Variants in CFAP61 observed in about 807,000 individuals in gnomAD.
CFAP61 encodes the protein cilia and flagella associated protein 61.
CFAP61 carries 107 observed loss-of-function variants against 135.6 expected under a neutral mutation model. The ratio of observed to expected loss-of-function variants is 0.79; its 90% confidence interval spans 0.67 to 0.93. CFAP61 has a LOEUF of 0.93. Among genes scored for constraint, CFAP61 ranks in the 40% least tolerant of loss-of-function variants. CFAP61 has a pLI of 0.00. For synonymous variants in CFAP61, 575 were observed against 578.5 expected (o/e 0.99, Z 0.09); for missense variants, 1,507 against 1,556.2 (o/e 0.97, Z 0.53).
At chr20:20,275,604 C>A (rs1351310550) in intron 21 of CFAP61, among the ~76,000 whole-genome samples, 1 of 152,210 alleles carries the variant, frequency 6.6e-6, no homozygotes, top group Non-Finnish European at 1.5e-5. Context: ...AAGCCCAGCT[C>A]ACAGTAGAGC....
At chr20:20,153,647 C>T (rs1046716609) in intron 9 of CFAP61, among the ~76,000 whole-genome samples, 1 of 152,014 alleles carries the variant, frequency 6.6e-6, no homozygotes, top group African/African-American at 2.4e-5. Context: ...ATACAACCCT[C>T]CTAGATTAAT....
chr20:20,294,751 A>G (rs1241408738), intron 24 of CFAP61, among the ~76,000 whole-genome samples: 1 of 150,982 alleles, frequency 6.6e-6, no homozygotes, highest in African/African-American at 2.4e-5. Context: ...ACAAGGTGAA[A>G]CCCCGTCTCT....
At chr20:20,216,753 T>C (rs2146928001) in intron 17 of CFAP61, among the ~76,000 whole-genome samples, 1 of 152,248 alleles carries the variant, frequency 6.6e-6, no homozygotes, top group South Asian at 2.1e-4. Flanking sequence ...CAGGAATTGA[T>C]TCAAAGAATG....
chr20:20,317,506 A>G (rs1218513704), intron 25 of CFAP61, among the ~76,000 whole-genome samples: 14 of 152,140 alleles, frequency 9.2e-5, no homozygotes, highest in Admixed American at 9.2e-4. Context: ...CTTCTCTTTT[A>G]AAGATACTTT....
chr20:20,287,357 A>G (rs1226368756), intron 22 of CFAP61, among the ~76,000 whole-genome samples: 1 of 152,256 alleles, frequency 6.6e-6, no homozygotes, highest in East Asian at 1.9e-4. Flanking sequence ...ACCTTCTTCA[A>G]GATGGAAATA....
At chr20:20,081,219 C>G (rs1202622933) in intron 6 of CFAP61, among the ~76,000 whole-genome samples, 1 of 152,100 alleles carries the variant, frequency 6.6e-6, no homozygotes, top group Non-Finnish European at 1.5e-5. Flanking sequence ...TAGACAATTC[C>G]AAAGGATTGG....
intron 8 of CFAP61, among the ~76,000 whole-genome samples, chr20:20,106,359 A>T (rs1225698550): frequency 1.3e-5 from 2 of 152,170 alleles, no homozygotes; most frequent in Non-Finnish European, 2.9e-5. Context: ...AGCCTTTTCT[A>T]ATGTCTTCAA....
At chr20:20,337,958 A>C in intron 25 of CFAP61, among the ~76,000 whole-genome samples, 1 of 152,212 alleles carries the variant, frequency 6.6e-6, no homozygotes, top group East Asian at 1.9e-4. Context: ...AGCATTGCCT[A>C]ATCTGACTCA....
chr20:20,108,300 A>G (rs1478066056), intron 8 of CFAP61, among the ~76,000 whole-genome samples: 1 of 152,212 alleles, frequency 6.6e-6, no homozygotes, highest in East Asian at 1.9e-4. Flanking sequence ...TTGAGGAAAT[A>G]ATACTAATAC....
intron 15 of CFAP61, among the ~76,000 whole-genome samples, chr20:20,193,245 A>G (rs1244042263): frequency 6.6e-6 from 1 of 152,020 alleles, no homozygotes; most frequent in African/African-American, 2.4e-5. Flanking sequence ...ATGATTCTAC[A>G]CTTTCCTTCA....
At chr20:20,120,540 C>G (rs1240789653) in intron 8 of CFAP61, among the ~76,000 whole-genome samples, 1 of 152,074 alleles carries the variant, frequency 6.6e-6, no homozygotes, top group Non-Finnish European at 1.5e-5. Context: ...CTTTTGTGGC[C>G]TAAGATTCTG....
intron 26 of CFAP61, among the ~76,000 whole-genome samples, chr20:20,345,333 C>T (rs1037646019): frequency 6.6e-6 from 1 of 152,166 alleles, no homozygotes; most frequent in Non-Finnish European, 1.5e-5. Context: ...TTGATCATTA[C>T]ACATTGTATG....
At chr20:20,114,944 T>C (rs1445632782) in intron 8 of CFAP61, among the ~76,000 whole-genome samples, 3 of 152,230 alleles carry the variant, frequency 2.0e-5, no homozygotes, top group Admixed American at 6.5e-5. Context: ...TTTAATTGAA[T>C]TGAATTTTAT....
At chr20:20,223,060 T>G (rs117849504) in intron 17 of CFAP61, among the ~76,000 whole-genome samples, 1 of 152,232 alleles carries the variant, frequency 6.6e-6, no homozygotes, top group African/African-American at 2.4e-5. Context: ...AGAAAAGATA[T>G]ATATACACAT....
In CFAP61 at chr20:20,142,963, C is replaced by T. The variant is rs1160622127; in HGVS notation, c.951+15C>T. ...AAAACATCCAGGTGAGAGAGACTAT[C>T]CCTCCATGCCTAGGGTGGGGGGATG... On this transcript the variant is annotated intron_variant, in intron 9 of 26. Transcript: ENST00000245957. The T allele has an allele frequency of 4.0e-6, 6 of 1,506,380 alleles. No individual in the cohort carries two copies. The highest frequency in any genetic ancestry group is 4.6e-6 in the Non-Finnish European group (5 of 1,097,536). 93.3% of individuals were successfully genotyped at this position (1,506,380 alleles called of 1,614,324 possible). A position where few individuals can be genotyped will look rare whatever the true frequency, so the allele number is the denominator to read the frequency against.
chr20:20,211,949 A>G (rs2047673044), intron 17 of CFAP61, among the ~76,000 whole-genome samples: 1 of 148,910 alleles, frequency 6.7e-6, no homozygotes, highest in Non-Finnish European at 1.5e-5. Context: ...ATGAAACTGG[A>G]GTTGACGGTT....
chr20:20,081,342 A>C (rs1237998991), intron 6 of CFAP61, among the ~76,000 whole-genome samples: 1 of 152,150 alleles, frequency 6.6e-6, no homozygotes, highest in Non-Finnish European at 1.5e-5. Flanking sequence ...CATTTTCTGG[A>C]GGTATGTAGG....
intron 9 of CFAP61, among the ~76,000 whole-genome samples, chr20:20,143,494 T>G (rs1284109695): frequency 3.3e-5 from 5 of 152,178 alleles, no homozygotes; most frequent in Non-Finnish European, 7.4e-5. Context: ...TTTTTTTAAG[T>G]GCAGCATTCT....
intron 26 of CFAP61, among the ~76,000 whole-genome samples, chr20:20,343,223 C>T (rs1290105414): frequency 1.3e-5 from 2 of 152,186 alleles, no homozygotes; most frequent in African/African-American, 2.4e-5. Context: ...TGTCTCACCC[C>T]AAAGCTGGGA....
Sources: allele counts gnomAD v4.1 joint callset (sites outside exome capture counted in the v4.1 genomes callset), GRCh38; gene constraint gnomAD v4.1.1; transcripts MANE v1.5; gene names NCBI Gene and HGNC (gene_info 2026-07-23, HGNC 2026-07-21).